SRGAP2C: variants seen among roughly 807,000 people sequenced by gnomAD.
The protein encoded by SRGAP2C is SLIT-ROBO Rho GTPase activating protein 2C.
A neutral mutation model predicts 25.1 loss-of-function variants in SRGAP2C; 15 were observed. The ratio of observed to expected loss-of-function variants is 0.60; its 90% CI spans 0.40 to 0.92. The LOEUF (loss-of-function observed/expected upper bound fraction) is 0.92, where lower values mean the gene tolerates loss of function less well. Among genes scored for constraint, SRGAP2C ranks in the 40% least tolerant of loss-of-function variants. SRGAP2C has a pLI of 0.00. For missense variants in SRGAP2C, 144 were observed against 264.4 expected (o/e 0.54, Z 3.16); for synonymous variants, 44 against 96.6 (o/e 0.46, Z 3.19).
chr1:121,216,133 A>G (rs1655378061), intron 2 of SRGAP2C, among the ~76,000 whole-genome samples: 2 of 152,196 alleles, frequency 1.3e-5, no homozygotes, highest in South Asian at 4.1e-4. Context: ...ACAGTGCTGC[A>G]TGGCTGACTC....
At chr1:121,206,436 C>A (rs1655110819) in intron 2 of SRGAP2C, among the ~76,000 whole-genome samples, 1 of 152,158 alleles carries the variant, frequency 6.6e-6, no homozygotes, top group African/African-American at 2.4e-5. Context: ...GAAGATCAGC[C>A]AGAGTCTGGC....
chr1:121,238,445 A>AGTTG lies in SRGAP2C; in HGVS notation c.68-46355_68-46352dup, dbSNP rs1259749216. Reference sequence around the variant, plus strand: ...TACCTGAGATAAAAAGATAAACAGGAGTTGGTCCTTACCACTTAGAGCTCA... The same window carrying AGTTG: ...TACCTGAGATAAAAAGATAAACAGGAGTTGGTTGGTCCTTACCACTTAGAGCTCA... On this transcript the variant is annotated intron_variant, in intron 2 of 9. Transcript: ENST00000367123. Among the ~76,000 whole-genome samples the AGTTG allele has an allele frequency of 9.9e-4, 150 of 151,704 alleles. 1 individual carries two copies. The highest frequency in any genetic ancestry group is 7.2e-4 in the Non-Finnish European group (49 of 67,934).
At chr1:121,268,737 A>G (rs1656868210) in intron 2 of SRGAP2C, among the ~76,000 whole-genome samples, 1 of 109,046 alleles carries the variant, frequency 9.2e-6, no homozygotes. Flanking sequence ...TGGGGTAGGG[A>G]ACGTGCTGGG....
At chr1:121,378,850 A>G (rs1659739313) in intron 7 of SRGAP2C, among the ~76,000 whole-genome samples, 1 of 152,220 alleles carries the variant, frequency 6.6e-6, no homozygotes, top group African/African-American at 2.4e-5. Flanking sequence ...ACTTCTTTTT[A>G]TAGTATAGTA....
intron 3 of SRGAP2C, among the ~76,000 whole-genome samples, chr1:121,306,100 G>A (rs1657830561): frequency 6.6e-6 from 1 of 152,102 alleles, no homozygotes. Flanking sequence ...GTAAGGCTGG[G>A]ACCTCTGTGT....
At chr1:121,270,821 C>A (rs1656930851) in intron 2 of SRGAP2C, among the ~76,000 whole-genome samples, 1 of 144,684 alleles carries the variant, frequency 6.9e-6, no homozygotes, top group African/African-American at 2.6e-5. Context: ...GAGACGGAGT[C>A]TCGCTCTGTC....
intron 4 of SRGAP2C, among the ~76,000 whole-genome samples, chr1:121,359,980 AT>A (rs1659152488): frequency 6.6e-6 from 1 of 152,010 alleles, no homozygotes; most frequent in South Asian, 2.1e-4. Flanking sequence ...TAGCTAAAGG[AT>A]TGTAAATGCA....
At chr1:121,233,145 CTTTT>C (rs1196199123) in intron 2 of SRGAP2C, among the ~76,000 whole-genome samples, 42 of 118,094 alleles carry the variant, frequency 3.6e-4, no homozygotes, top group African/African-American at 9.8e-4. Flanking sequence ...CCCCTTGGTT[CTTTT>C]TTTTTTTTTT....
chr1:121,241,366 TG>T (rs1260126533), intron 2 of SRGAP2C, among the ~76,000 whole-genome samples: 2 of 25,488 alleles, frequency 7.8e-5, no homozygotes, highest in Non-Finnish European at 1.3e-4. Flanking sequence ...CCTTTTTGTC[TG>T]GGGAAGGGGA....
intron 2 of SRGAP2C, among the ~76,000 whole-genome samples, chr1:121,225,783 C>A (rs1553326440): frequency 6.8e-6 from 1 of 147,338 alleles, no homozygotes; most frequent in African/African-American, 2.5e-5. Context: ...CAGCTCACTG[C>A]AACCTCTGCC....
chr1:121,224,115 G>A (rs1236984725), intron 2 of SRGAP2C, among the ~76,000 whole-genome samples: 1 of 150,840 alleles, frequency 6.6e-6, no homozygotes, highest in Non-Finnish European at 1.5e-5. Context: ...CTGCCTCTGA[G>A]CGTGCATCAT....
intron 2 of SRGAP2C, among the ~76,000 whole-genome samples, chr1:121,202,878 A>AT (rs1265097972): frequency 6.7e-4 from 94 of 140,132 alleles, no homozygotes; most frequent in Non-Finnish European, 1.1e-3. Flanking sequence ...CAAAGAAACA[A>AT]TTTTTTTTTT....
rs1660008202 is a variant in SRGAP2C at position 121,388,950 on chromosome 1, CA to C, written c.*1100del. 1 of 122,850 alleles carries C rather than the reference CA, an allele frequency of 8.1e-6. No homozygotes were observed. Among genetic ancestry groups the C allele is most frequent in the South Asian group, 3.1e-4 (1 of 3,220 alleles). 7.6% of individuals were successfully genotyped at this position (122,850 alleles called of 1,614,324 possible). On this transcript the variant is annotated 3_prime_UTR_variant, in exon 10 of 10. Transcript: ENST00000367123. ...ATGCTCATTATATAAAATTTAGAAGCAAAAAGAAGGAAATAAAAATTTTCCA... is the reference window on the plus strand; with the variant it reads ...ATGCTCATTATATAAAATTTAGAAGCAAAAGAAGGAAATAAAAATTTTCCA...
At position 121,265,148 on chromosome 1, in the gene SRGAP2C, G is replaced by A. The variant is rs868929649; in HGVS notation, c.68-19655G>A. Among the ~76,000 whole-genome samples, 8 of 135,144 alleles carry A rather than the reference G, an allele frequency of 5.9e-5. No homozygotes were observed. The East Asian group carries it at 1.5e-3, about 25-fold the overall frequency. The allele number at this position is 135,144 out of a possible 152,430, so 88.7% of individuals were successfully genotyped here. ...CAGGAGGCAGAGGCCGCAGTGAGCCGAGATCATGCCACTGTACTCCAGCCT... is the reference window on the plus strand; with the variant it reads ...CAGGAGGCAGAGGCCGCAGTGAGCCAAGATCATGCCACTGTACTCCAGCCT... On this transcript the variant is annotated intron_variant, in intron 2 of 9. Coordinates refer to ENST00000367123, the MANE Select transcript of SRGAP2C (RefSeq NM_001329984.2).
intron 2 of SRGAP2C, among the ~76,000 whole-genome samples, chr1:121,264,085 A>G (rs879996407): frequency 4.0e-5 from 6 of 151,896 alleles, no homozygotes; most frequent in Non-Finnish European, 5.9e-5. Flanking sequence ...TCTGACTCAC[A>G]CAGTGATTCT....
At chr1:121,283,944 A>G (rs1218095970) in intron 2 of SRGAP2C, among the ~76,000 whole-genome samples, 1 of 147,056 alleles carries the variant, frequency 6.8e-6, no homozygotes, top group East Asian at 2.1e-4. Context: ...CCATACAAGG[A>G]CCCTGACCAG....
intron 2 of SRGAP2C, among the ~76,000 whole-genome samples, chr1:121,211,172 T>C (rs1484619214): frequency 6.6e-6 from 1 of 151,978 alleles, no homozygotes; most frequent in Non-Finnish European, 1.5e-5. Flanking sequence ...TGCAACACTT[T>C]TTTTTTTGTC....
At chr1:121,336,583 A>T (rs1324852839) in intron 4 of SRGAP2C, among the ~76,000 whole-genome samples, 1,453 of 90,166 alleles carry the variant, frequency 0.016, 443 homozygotes, top group East Asian at 0.089. Context: ...ATTTTATAGT[A>T]GATGTATATG....
chr1:121,378,680 G>A (rs1248302531), intron 7 of SRGAP2C, among the ~76,000 whole-genome samples: 3 of 152,058 alleles, frequency 2.0e-5, no homozygotes, highest in Admixed American at 6.5e-5. Context: ...TTTAAGACAC[G>A]GGATGAATCC....
Sources: allele counts gnomAD v4.1 joint callset (sites outside exome capture counted in the v4.1 genomes callset), GRCh38; gene constraint gnomAD v4.1.1; transcripts MANE v1.5; gene names NCBI Gene and HGNC (gene_info 2026-07-23, HGNC 2026-07-21).